Variants in OAS3 observed in about 807,000 individuals in gnomAD.
OAS3 encodes 2'-5'-oligoadenylate synthase 3.
In OAS3, 107 loss-of-function variants were observed where a neutral mutation model predicts 113.0. The ratio of observed to expected loss-of-function variants is 0.95; its 90% CI spans 0.81 to 1.11. OAS3 has a LOEUF of 1.11. Among genes scored for constraint, OAS3 ranks in the 50% most tolerant of loss-of-function variants. The probability of loss-of-function intolerance (pLI) is 0.00; values close to 1 mark genes in which losing one functional copy is unlikely to be tolerated. For missense variants in OAS3, 1,258 were observed against 1,389.1 expected (o/e 0.91, Z 1.50); for synonymous variants, 552 against 573.6 (o/e 0.96, Z 0.54).
At position 112,938,499 on chromosome 12, in the gene OAS3, C is replaced by T. The variant is rs752222752; in HGVS notation, c.-32C>T. 5.2e-6 allele frequency: 8 copies of T among 1,530,924 alleles called. No homozygotes were observed. The highest frequency in any genetic ancestry group is 1.4e-5 in the African/African-American group (1 of 70,236). 94.8% of individuals were successfully genotyped at this position (1,530,924 alleles called of 1,614,324 possible). A position where few individuals can be genotyped will look rare whatever the true frequency, so the allele number is the denominator to read the frequency against. On this transcript the variant is annotated 5_prime_UTR_variant, in exon 1 of 16. Transcript: ENST00000228928. ...AGAAATCCGAAGGCCGCGCCAGAGC[C>T]CTGCTTCCCCTTGCACCTGCGCCGG...
At chr12:112,943,178 A>G (rs1211521716) in intron 2 of OAS3, among the ~76,000 whole-genome samples, 4 of 151,992 alleles carry the variant, frequency 2.6e-5, no homozygotes, top group Admixed American at 6.6e-5. Flanking sequence ...CAAATGATCC[A>G]CCTGCCTCAG....
chr12:112,943,496 G>T (rs986630647), intron 2 of OAS3, among the ~76,000 whole-genome samples: 1 of 152,144 alleles, frequency 6.6e-6, no homozygotes, highest in African/African-American at 2.4e-5. Context: ...CCATGGGAGT[G>T]GTGGCGGAAA....
chr12:112,957,561 T>C (rs1470864479), intron 7 of OAS3, among the ~76,000 whole-genome samples: 1 of 152,230 alleles, frequency 6.6e-6, no homozygotes, highest in African/African-American at 2.4e-5. Flanking sequence ...CATTTGCTTG[T>C]CTGTAAAGGA....
At chr12:112,958,924 C>T (rs2043859122) in intron 7 of OAS3, among the ~76,000 whole-genome samples, 1 of 152,252 alleles carries the variant, frequency 6.6e-6, no homozygotes, top group South Asian at 2.1e-4. Flanking sequence ...TTTTGTTCAG[C>T]TATGCCCTGC....
chr12:112,971,564 A>C lies in OAS3; in HGVS notation c.*1591A>C, dbSNP rs927319432. ...TCTCAGAGGAAGGAACAGGAAACAAAGAAAGGAAGCCACTGAACATCCCTT... is the reference window on the plus strand; with the variant it reads ...TCTCAGAGGAAGGAACAGGAAACAACGAAAGGAAGCCACTGAACATCCCTT... On this transcript the variant is annotated 3_prime_UTR_variant, in exon 16 of 16. Transcript: ENST00000228928. The C allele has an allele frequency of 6.6e-6, 1 of 152,394 alleles. No individual in the cohort carries two copies. The highest frequency in any genetic ancestry group is 1.5e-5 in the Non-Finnish European group (1 of 68,166). The allele number at this position is 152,394 out of a possible 1,614,324, so 9.4% of individuals were successfully genotyped here.
intron 5 of OAS3, among the ~76,000 whole-genome samples, chr12:112,948,546 A>C (rs574680510): frequency 6.6e-6 from 1 of 151,808 alleles, no homozygotes; most frequent in African/African-American, 2.4e-5. Flanking sequence ...AGGCATGTAA[A>C]ACAGTCTTAT....
chr12:112,950,774 T>C lies in OAS3; in HGVS notation c.1456T>C (p.Tyr486His). 1 of 1,614,028 alleles carries C rather than the reference T, an allele frequency of 6.2e-7. No homozygotes were observed. The highest frequency in any genetic ancestry group is 1.1e-5 in the South Asian group (1 of 91,080). Residue 486 changes from tyrosine (Y) to histidine (H), a missense_variant, in exon 7 of 16, where the codon TAC becomes CAC. Transcript: ENST00000228928. ...CATCTTCCTCAACTGCTTCACGGAC[T>C]ACAAGGACCAGGGGCCCCGCCGCGC... ...LIIFLNCFTD[Y>H]KDQGPRRAEI... is the part of the protein sequence containing the mutation.
intron 7 of OAS3, among the ~76,000 whole-genome samples, chr12:112,960,027 T>C (rs2043868495): frequency 6.6e-6 from 1 of 152,142 alleles, no homozygotes; most frequent in Non-Finnish European, 1.5e-5. Flanking sequence ...CTCTCCCTCA[T>C]GGTCAATCAT....
intron 11 of OAS3, among the ~76,000 whole-genome samples, 156 bp from the exon 12 acceptor site, chr12:112,965,588 A>G (rs1170604466): frequency 1.3e-5 from 2 of 152,204 alleles, no homozygotes; most frequent in Non-Finnish European, 2.9e-5. Context: ...TTTTCTTACA[A>G]TCTTAAATAC....
At chr12:112,965,388 C>T (rs1265543032) in intron 11 of OAS3, among the ~76,000 whole-genome samples, 1 of 152,150 alleles carries the variant, frequency 6.6e-6, no homozygotes, top group Non-Finnish European at 1.5e-5. Context: ...AAATCACAGT[C>T]TTGTGGGGTG....
chr12:112,961,922 A>T (rs947865416), intron 8 of OAS3, among the ~76,000 whole-genome samples: 3 of 151,918 alleles, frequency 2.0e-5, no homozygotes, highest in African/African-American at 7.3e-5. Context: ...CAGCCCCCGT[A>T]GTAGCTAAGA....
chr12:112,964,312 C>T lies in OAS3; in HGVS notation c.2307C>T (p.Phe769=), dbSNP rs1199909930. Residue 769 remains phenylalanine (F), a synonymous_variant, in exon 11 of 16, where the codon TTC becomes TTT. Transcript: ENST00000228928. ...ISEFLQPNRQ[F]LAQVNKAVDT... ...AATTTCTCCAGCCCAACCGCCAGTT[C>T]CTGGCCCAGGTGAACAAGGCCGTTG... The T allele has an allele frequency of 8.1e-6, 13 of 1,609,980 alleles. No individual in the cohort carries two copies. The highest frequency in any genetic ancestry group is 1.1e-5 in the Non-Finnish European group (13 of 1,178,276).
rs1281828429 is a variant in OAS3 at position 112,967,346 on chromosome 12, A to T, written c.2690-72A>T. 6.3e-6 allele frequency: 9 copies of T among 1,424,258 alleles called. No individual in the cohort carries two copies. In the Admixed American group the frequency reaches 1.8e-4, roughly 29 times the overall value. The allele number at this position is 1,424,258 out of a possible 1,614,324, so 88.2% of individuals were successfully genotyped here. ...CACCCAAGAGGTAGGAGATCTCAGA[A>T]GTCCTTTCTAAGTTGGCCCCACTGG... On this transcript the variant is annotated intron_variant, in intron 12 of 15. Coordinates refer to ENST00000228928, the MANE Select transcript of OAS3 (RefSeq NM_006187.4).
Position 112,953,960 on chromosome 12 carries a change from G to T in OAS3, c.1657+2985G>T, listed in dbSNP as rs979183387. 2.2e-4 allele frequency among the ~76,000 whole-genome samples: 33 copies of T among 152,300 alleles called. 3 individuals carry two copies. The highest frequency in any genetic ancestry group is 1.0e-3 in the South Asian group (5 of 4,820). ...AGGTTGCTTGTTCACTCTGATGGTA[G>T]TTTCTTTTGCTGTGCAGAAACTCTT... On this transcript the variant is annotated intron_variant, in intron 7 of 15. Transcript: ENST00000228928.
chr12:112,944,420 C>G (rs1565974390), intron 2 of OAS3, 56 bp from the exon 3 acceptor site: 9 of 1,596,082 alleles, frequency 5.6e-6, no homozygotes, highest in Non-Finnish European at 7.7e-6. Flanking sequence ...ACCAACACCG[C>G]CCTCCATCCT....
At chr12:112,965,437 G>A (rs992694998) in intron 11 of OAS3, among the ~76,000 whole-genome samples, 3 of 152,190 alleles carry the variant, frequency 2.0e-5, no homozygotes, top group African/African-American at 2.4e-5. Context: ...CCTTCCAGGT[G>A]CAGACAGGCT....
Position 112,962,835 on chromosome 12 carries a change from A to G in OAS3, c.2017A>G (p.Thr673Ala). 1 of 1,613,910 alleles carries G rather than the reference A, an allele frequency of 6.2e-7. No homozygotes were observed. Among genetic ancestry groups the G allele is most frequent in the East Asian group, 2.2e-5 (1 of 44,878 alleles). Residue 673 changes from threonine (T) to alanine (A), a missense_variant, in exon 9 of 16, where the codon ACG (threonine) becomes GCG (alanine). Coordinates refer to ENST00000228928, the MANE Select transcript of OAS3 (RefSeq NM_006187.4). ...GCATCAGCAGCTCTGTGTCTACTGG[A>G]CGGTCAACTATAGCACTGAGGACCC... ...QQHQQLCVYW[T>A]VNYSTEDPAM...
chr12:112,944,283 C>T (rs2043706058), intron 2 of OAS3, among the ~76,000 whole-genome samples, 193 bp from the exon 3 acceptor site: 1 of 152,220 alleles, frequency 6.6e-6, no homozygotes, highest in Non-Finnish European at 1.5e-5. Flanking sequence ...TTCTGGAGTG[C>T]CGCTCTTCTT....
rs765923992 is a variant in OAS3, at chr12:112,944,536, GCTGCCAAGGGGGCGAGC to G, written c.522_538del (p.Gln176GlyfsTer61). The G allele has an allele frequency of 6.2e-7, 1 of 1,614,060 alleles. No individual in the cohort carries two copies. The highest frequency in any genetic ancestry group is 2.2e-5 in the East Asian group (1 of 44,890). On this transcript the variant is annotated frameshift_variant, in exon 3 of 16. Coordinates refer to ENST00000228928, the MANE Select transcript of OAS3 (RefSeq NM_006187.4). LOFTEE classifies it high-confidence loss of function. Reference sequence around the variant, plus strand: ...GTCTACTCTACCCTCCTCAACAGTGGCTGCCAAGGGGGCGAGCATGCGGCCTGCTTCACAGAGCTGCG... The same window carrying G: ...GTCTACTCTACCCTCCTCAACAGTGGATGCGGCCTGCTTCACAGAGCTGCG...
Sources: allele counts gnomAD v4.1 joint callset (sites outside exome capture counted in the v4.1 genomes callset), GRCh38; gene constraint gnomAD v4.1.1; transcripts MANE v1.5; gene names NCBI Gene and HGNC (gene_info 2026-07-23, HGNC 2026-07-21).